Variants in TATDN2 observed in about 807,000 individuals in gnomAD.
TATDN2 encodes the protein 3'-5' RNA nuclease TATDN2.
A neutral mutation model predicts 60.3 loss-of-function variants in TATDN2; 44 were observed. That is an observed-to-expected ratio of 0.73 (90% CI 0.57 to 0.94). The LOEUF (loss-of-function observed/expected upper bound fraction) is 0.94, where lower values mean the gene tolerates loss of function less well. TATDN2 is among the 40% of genes least tolerant of loss of function. The pLI is 0.00. For synonymous variants in TATDN2, 399 were observed against 355.8 expected (o/e 1.12, Z -1.37); for missense variants, 997 against 948.0 (o/e 1.05, Z -0.68).
chr3:10,269,396 A>G (rs1698523971), intron 3 of TATDN2, among the ~76,000 whole-genome samples: 2 of 152,246 alleles, frequency 1.3e-5, no homozygotes, highest in Admixed American at 1.3e-4. Flanking sequence ...GGGTTAAATA[A>G]TTCGGGGACA....
intron 2 of TATDN2, among the ~76,000 whole-genome samples, chr3:10,259,556 C>T (rs558871665): frequency 5.6e-4 from 86 of 152,332 alleles, no homozygotes; most frequent in Non-Finnish European, 1.1e-3. Flanking sequence ...TTGTTGGGAG[C>T]AGTCTATCTT....
At chr3:10,267,265 C>A (rs1278667790) in intron 3 of TATDN2, among the ~76,000 whole-genome samples, 3 of 151,068 alleles carry the variant, frequency 2.0e-5, no homozygotes, top group Non-Finnish European at 4.4e-5. Flanking sequence ...TTCCCCCACA[C>A]CCCCCGACAA....
Position 10,270,509 on chromosome 3 carries a change from C to T in TATDN2, c.1327C>T (p.Gln443Ter). 6.2e-7 allele frequency: 1 copy of T among 1,614,186 alleles called. No individual in the cohort carries two copies. Among genetic ancestry groups the T allele is most frequent in the Non-Finnish European group, 8.5e-7 (1 of 1,180,026 alleles). Reference protein sequence around the residue: ...DMEASEEGWSQNSRSFRFSRS... With the variant: ...DMEASEEGWS ...GGAGGCCTCAGAGGAAGGCTGGTCC[C>T]AGAATTCTCGTTCATTTCGCTTCTC... Residue 443 changes from glutamine (Q) to a stop codon, truncating the protein, a stop_gained, in exon 4 of 8, where the codon CAG becomes TAG. Transcript: ENST00000448281. LOFTEE classifies it high-confidence loss of function.
chr3:10,276,537 G>T, intron 5 of TATDN2, 49 bp downstream of exon 5: 1 of 1,587,184 alleles, frequency 6.3e-7, no homozygotes, highest in Non-Finnish European at 8.6e-7. Flanking sequence ...CACTTCCTCT[G>T]TCAAGTTGAT....
intron 4 of TATDN2, among the ~76,000 whole-genome samples, chr3:10,274,991 T>TA (rs1299000929): frequency 1.4e-5 from 2 of 146,708 alleles, no homozygotes; most frequent in Non-Finnish European, 1.5e-5. Context: ...ATGAATTAAT[T>TA]TTTTTTTTTT....
Position 10,276,500 on chromosome 3 carries a change from G to T in TATDN2, c.1961+12G>T. On this transcript the variant is annotated intron_variant, in intron 5 of 7. Coordinates refer to ENST00000448281, the MANE Select transcript of TATDN2 (RefSeq NM_014760.4). ...TACAAGATCCATAGGTTAGAAGACT[G>T]GAACTTCAGCGGGCAAATGAAAGAA... 6.2e-7 allele frequency: 1 copy of T among 1,613,016 alleles called. No homozygotes were observed. Among genetic ancestry groups the T allele is most frequent in the Non-Finnish European group, 8.5e-7 (1 of 1,179,696 alleles).
At chr3:10,253,679 G>C (rs918785592) in intron 2 of TATDN2, among the ~76,000 whole-genome samples, 1 of 152,192 alleles carries the variant, frequency 6.6e-6, no homozygotes, top group South Asian at 2.1e-4. Flanking sequence ...TATGATTCTC[G>C]ATGTTTGATC....
At chr3:10,266,362 C>T (rs1576011777) in intron 3 of TATDN2, among the ~76,000 whole-genome samples, 1 of 152,256 alleles carries the variant, frequency 6.6e-6, no homozygotes, top group East Asian at 1.9e-4. Flanking sequence ...TATACCCAAA[C>T]TTCTATTTAT....
At chr3:10,272,906 G>A (rs538823324) in intron 4 of TATDN2, among the ~76,000 whole-genome samples, 3 of 152,140 alleles carry the variant, frequency 2.0e-5, no homozygotes, top group East Asian at 3.9e-4. Flanking sequence ...GGGTGTGATG[G>A]TACATGCCTG....
intron 3 of TATDN2, among the ~76,000 whole-genome samples, chr3:10,263,202 ATT>A (rs1263923105): frequency 7.4e-6 from 1 of 134,648 alleles, no homozygotes; most frequent in Non-Finnish European, 1.6e-5. Flanking sequence ...CCCAACCTGT[ATT>A]TTTTTTTTTT....
At position 10,249,426 on chromosome 3, in the gene TATDN2, C is replaced by T. The variant is rs916902564; in HGVS notation, c.226C>T (p.Arg76Cys). 12 of 1,613,886 alleles carry T rather than the reference C, an allele frequency of 7.4e-6. No homozygotes were observed. The highest frequency in any genetic ancestry group is 1.0e-5 in the Non-Finnish European group (12 of 1,180,004). The change falls in exon 2 of 8, where the codon CGC becomes TGC. Residue 76 changes from arginine (R) to cysteine (C), a missense_variant. Arg to Cys is a radical substitution (Grantham distance 180). Transcript: ENST00000448281. The stretch of plus-strand genomic sequence containing the variant: ...GAGGTTATCCTGGGGCTCATCCCGC[C>T]GCAGAAATAACTCCTCCTCCTCCTT... ...SRRLSWGSSR[R>C]RNNSSSSFSP...
rs188200524 is a variant in TATDN2, at chr3:10,275,519, G to A, written c.1834-842G>A. 2.4e-4 allele frequency among the ~76,000 whole-genome samples: 36 copies of A among 152,190 alleles called. No individual in the cohort carries two copies. In the East Asian group the frequency reaches 5.0e-3, roughly 21 times the overall value. On this transcript the variant is annotated intron_variant, in intron 4 of 7. Coordinates refer to ENST00000448281, the MANE Select transcript of TATDN2 (RefSeq NM_014760.4). The stretch of plus-strand genomic sequence containing the variant: ...TCCCAGCACTTTGGGAGGCTGAGGC[G>A]GGCAGATCAGTTGAGGTTAGTTTGA...
intron 2 of TATDN2, among the ~76,000 whole-genome samples, chr3:10,251,945 G>A (rs1278235503): frequency 6.6e-6 from 1 of 150,526 alleles, no homozygotes; most frequent in Admixed American, 6.6e-5. Flanking sequence ...TCAGGAGATT[G>A]AGACTACCCT....
intron 5 of TATDN2, among the ~76,000 whole-genome samples, chr3:10,277,856 C>T (rs242728): frequency 0.26 from 40,047 of 152,062 alleles, 5,725 homozygotes; most frequent in African/African-American, 0.36. Context: ...TTAAGAAAAT[C>T]CACCTGTAGT....
At chr3:10,257,877 G>GTTTTTT (rs1559460300) in intron 2 of TATDN2, among the ~76,000 whole-genome samples, 1 of 19,446 alleles carries the variant, frequency 5.1e-5, no homozygotes, top group East Asian at 3.9e-3. Flanking sequence ...TTTTTTTTTT[G>GTTTTTT]GGAGATGGAG....
rs753068853 is a variant in TATDN2, at chr3:10,278,372, C to T, written c.2055C>T (p.Ser685=). The T allele has an allele frequency of 9.9e-6, 16 of 1,614,104 alleles. No homozygotes were observed. The Admixed American group carries it at 2.5e-4, about 25-fold the overall frequency. The part of the protein sequence containing the change: ...SVGFTAVLTY[S]SAWEAREALR... ...GCTTCACGGCAGTGCTGACATACTCCTCTGCCTGGGAGGCCCGGGAAGCCT... is the reference window on the plus strand; with the variant it reads ...GCTTCACGGCAGTGCTGACATACTCTTCTGCCTGGGAGGCCCGGGAAGCCT... The change falls in exon 6 of 8, where the codon TCC becomes TCT. Residue 685 remains serine, a synonymous_variant. Coordinates refer to ENST00000448281, the MANE Select transcript of TATDN2 (RefSeq NM_014760.4). The surrounding 1 kb of genome is among the most constrained non-coding windows in gnomAD (Gnocchi z 4.7).
chr3:10,269,831 T>C (rs1278001448), intron 3 of TATDN2, among the ~76,000 whole-genome samples: 3 of 152,172 alleles, frequency 2.0e-5, no homozygotes, highest in Non-Finnish European at 2.9e-5. Context: ...TAGAGAGCAG[T>C]TTTTCTCAAG....
intron 3 of TATDN2, among the ~76,000 whole-genome samples, chr3:10,265,749 C>T (rs1325029916): frequency 2.0e-5 from 3 of 149,350 alleles, no homozygotes; most frequent in Non-Finnish European, 4.5e-5. Flanking sequence ...GGTCATAGCT[C>T]ATTGCACCTT....
intron 3 of TATDN2, among the ~76,000 whole-genome samples, chr3:10,265,916 C>T (rs536634398): frequency 6.6e-6 from 1 of 152,248 alleles, no homozygotes; most frequent in African/African-American, 2.4e-5. Flanking sequence ...CGGCTTCACC[C>T]TCACTTTGGA....
Sources: allele counts gnomAD v4.1 joint callset (sites outside exome capture counted in the v4.1 genomes callset), GRCh38; gene constraint gnomAD v4.1.1; non-coding constraint Gnocchi (gnomAD v3.1); transcripts MANE v1.5; gene names NCBI Gene and HGNC (gene_info 2026-07-23, HGNC 2026-07-21).